ANKS1A: variants seen among roughly 807,000 people sequenced by gnomAD.
ANKS1A encodes ankyrin repeat and SAM domain-containing protein 1A.
Under a neutral mutation model 120.3 loss-of-function variants are expected in ANKS1A, and 55 were observed. The observed-to-expected ratio is 0.46, with a 90% CI of 0.37 to 0.57. The LOEUF is 0.57. ANKS1A is among the 20% of genes least tolerant of loss of function. The pLI, the probability that ANKS1A is intolerant of heterozygous loss-of-function variation, is 0.00. For synonymous variants in ANKS1A, 590 were observed against 604.7 expected (o/e 0.98, Z 0.36); for missense variants, 1,123 against 1,480.3 (o/e 0.76, Z 3.96).
At chr6:35,059,496 C>T (rs1334188872) in intron 12 of ANKS1A, among the ~76,000 whole-genome samples, 7 of 152,212 alleles carry the variant, frequency 4.6e-5, no homozygotes, top group African/African-American at 1.4e-4. Flanking sequence ...CTCCCCCTGC[C>T]GTGTTCTGTG....
intron 3 of ANKS1A, among the ~76,000 whole-genome samples, chr6:34,977,454 A>C (rs778467284): frequency 6.6e-6 from 1 of 151,204 alleles, no homozygotes; most frequent in African/African-American, 2.4e-5. Flanking sequence ...AGAACCACCA[A>C]TTTAGGCCAA....
intron 1 of ANKS1A, among the ~76,000 whole-genome samples, chr6:34,909,262 C>A (rs1237755227): frequency 6.6e-6 from 1 of 152,204 alleles, no homozygotes; most frequent in African/African-American, 2.4e-5. Context: ...TAAATAAATT[C>A]TCCCGTAAAA....
chr6:35,091,575 A>G (rs1487931821), downstream of ANKS1A, among the ~76,000 whole-genome samples: 1 of 149,056 alleles, frequency 6.7e-6, no homozygotes, highest in East Asian at 1.9e-4. Context: ...CTCTCTAACA[A>G]ACAGTTAGTT....
rs536640848 is a variant in ANKS1A at position 34,961,563 on chromosome 6, A to G, written c.198-5676A>G. ...GTTTTGAGGGAGTTTTAGTGCTGAC[A>G]TAGGATGTCCAAACTTAATCACCTT... On this transcript the variant is annotated intron_variant, in intron 1 of 23. Transcript: ENST00000360359. Among the ~76,000 whole-genome samples, 11 of 152,264 alleles carry G rather than the reference A, an allele frequency of 7.2e-5. No individual in the cohort carries two copies. In the South Asian group the frequency reaches 1.0e-3, roughly 14 times the overall value.
intron 1 of ANKS1A, among the ~76,000 whole-genome samples, chr6:34,942,095 T>A (rs1218343320): frequency 6.6e-6 from 1 of 152,204 alleles, no homozygotes; most frequent in East Asian, 1.9e-4. Context: ...GTCTTCAGTT[T>A]TGGGGGTTTA....
At chr6:34,924,160 A>G (rs1250291049) in intron 1 of ANKS1A, among the ~76,000 whole-genome samples, 1 of 148,924 alleles carries the variant, frequency 6.7e-6, no homozygotes. Context: ...TGTGGGTGTT[A>G]ATATGAACCA....
chr6:35,089,509 C>G lies in ANKS1A; in HGVS notation c.*900C>G. 6.1e-6 allele frequency: 6 copies of G among 986,602 alleles called. No homozygotes were observed. Among genetic ancestry groups the G allele is most frequent in the Non-Finnish European group, 7.2e-6 (6 of 830,522 alleles). The allele number at this position is 986,602 out of a possible 1,614,324, so 61.1% of individuals were successfully genotyped here. On this transcript the variant is annotated 3_prime_UTR_variant, in exon 24 of 24. Coordinates refer to ENST00000360359, the MANE Select transcript of ANKS1A (RefSeq NM_015245.3). ...CTTGGAGTGGGGTCAGCTAAGGTTG[C>G]TACTTGCCAATTTGTGATTTGTCTA...
chr6:35,040,369 C>G (rs1451294947), intron 11 of ANKS1A, among the ~76,000 whole-genome samples: 2 of 152,250 alleles, frequency 1.3e-5, no homozygotes, highest in East Asian at 1.9e-4. Context: ...TCCTGCGGCC[C>G]TCGTCTTCCT....
intron 12 of ANKS1A, among the ~76,000 whole-genome samples, chr6:35,055,603 C>T (rs1248226754): frequency 2.0e-5 from 3 of 152,222 alleles, no homozygotes; most frequent in Non-Finnish European, 4.4e-5. Flanking sequence ...GTTGGGATTA[C>T]AGGTGTCAGC....
intron 13 of ANKS1A, among the ~76,000 whole-genome samples, chr6:35,061,301 G>C (rs998851301): frequency 6.6e-6 from 1 of 152,208 alleles, no homozygotes; most frequent in African/African-American, 2.4e-5. Context: ...ATACAGGGAT[G>C]GGGGCGTGGC....
Position 35,082,176 on chromosome 6 carries a change from C to T in ANKS1A, c.2710-515C>T, listed in dbSNP as rs774795006. On this transcript the variant is annotated intron_variant, in intron 17 of 23. Coordinates refer to ENST00000360359, the MANE Select transcript of ANKS1A (RefSeq NM_015245.3). This position sits in a 1 kb window ranked among gnomAD's most constrained non-coding sequence, Gnocchi z 4.1. ...GACCCATGATCTCTCACCTGGACCG[C>T]AGTGGCCTCCCCCACCCCCTAGCTG... is the stretch of plus-strand genomic sequence containing the variant. 6.6e-6 allele frequency among the ~76,000 whole-genome samples: 1 copy of T among 152,124 alleles called. No homozygotes were observed. Among genetic ancestry groups the T allele is most frequent in the Admixed American group, 6.5e-5 (1 of 15,282 alleles).
At chr6:34,912,434 T>C (rs2127458248) in intron 1 of ANKS1A, among the ~76,000 whole-genome samples, 1 of 152,288 alleles carries the variant, frequency 6.6e-6, no homozygotes, top group Middle Eastern at 3.4e-3. Context: ...TCTCTCTCAC[T>C]ATCCAACCTC....
intron 1 of ANKS1A, among the ~76,000 whole-genome samples, chr6:34,903,736 C>G (rs571902209): frequency 1.3e-5 from 2 of 152,226 alleles, no homozygotes; most frequent in South Asian, 2.1e-4. Flanking sequence ...AGGATGGTCT[C>G]GATCTCCTGA....
In ANKS1A at chr6:34,913,291, C is replaced by G. The variant is rs78724450; in HGVS notation, c.197+23692C>G. Among the ~76,000 whole-genome samples, 353 of 152,314 alleles carry G rather than the reference C, an allele frequency of 2.3e-3. 9 individuals carry two copies. In the East Asian group the frequency reaches 0.064, roughly 27 times the overall value. ...AAGCCTTAGTGTTTTGACCCCACCC[C>G]TACCCATTCACTAGTTAGGAGAGTC... On this transcript the variant is annotated intron_variant, in intron 1 of 23. Transcript: ENST00000360359.
In ANKS1A at chr6:34,938,777, C is replaced by T. The variant is rs373269053; in HGVS notation, c.198-28462C>T. Among the ~76,000 whole-genome samples, 9 of 152,242 alleles carry T rather than the reference C, an allele frequency of 5.9e-5. No individual in the cohort carries two copies. In the East Asian group the frequency reaches 1.4e-3, roughly 23 times the overall value. On this transcript the variant is annotated intron_variant, in intron 1 of 23. Transcript: ENST00000360359. ...GGCCAAGGCAGGTGGATCATGAAGTCAGGAGTTCAAGACCAGCCTGGCCAA... is the reference window on the plus strand; with the variant it reads ...GGCCAAGGCAGGTGGATCATGAAGTTAGGAGTTCAAGACCAGCCTGGCCAA...
chr6:35,024,375 G>A (rs898308463), intron 11 of ANKS1A, among the ~76,000 whole-genome samples: 12 of 152,220 alleles, frequency 7.9e-5, no homozygotes, highest in African/African-American at 2.7e-4. Flanking sequence ...GCCTTTGAAT[G>A]GGATTAAAGT....
chr6:35,014,114 C>G (rs1471387933), intron 10 of ANKS1A, among the ~76,000 whole-genome samples: 1 of 152,106 alleles, frequency 6.6e-6, no homozygotes, highest in Non-Finnish European at 1.5e-5. Context: ...CCTAAGAGAC[C>G]TTATATTATC....
chr6:35,054,218 T>C (rs2127586661), intron 12 of ANKS1A, 53 bp downstream of exon 12: 1 of 1,562,674 alleles, frequency 6.4e-7, no homozygotes, highest in Non-Finnish European at 8.8e-7. Context: ...CTGGCTCTTT[T>C]CTGGCTCAGG....
chr6:34,938,458 T>G (rs776037908), intron 1 of ANKS1A, among the ~76,000 whole-genome samples: 1 of 152,250 alleles, frequency 6.6e-6, no homozygotes, highest in Non-Finnish European at 1.5e-5. Context: ...TGCCCCTCAG[T>G]GGATAAATGT....
Sources: gnomAD v4.1 joint callset for allele counts (sites outside exome capture counted in the v4.1 genomes callset) on GRCh38, gnomAD v4.1.1 for gene constraint, Gnocchi (gnomAD v3.1) non-coding constraint, MANE v1.5 for transcripts, NCBI Gene and HGNC (gene_info 2026-07-23, HGNC 2026-07-21) for gene names.